Variants in ARHGAP26 observed in about 807,000 individuals in gnomAD.
The protein encoded by ARHGAP26 is rho GTPase-activating protein 26.
In ARHGAP26, 38 loss-of-function variants were observed where a neutral mutation model predicts 104.8. The ratio of observed to expected loss-of-function variants is 0.36; its 90% confidence interval spans 0.28 to 0.48. ARHGAP26 has a LOEUF of 0.48. Ranked by LOEUF, ARHGAP26 falls within the 20% of genes least tolerant of loss-of-function variation. The probability of loss-of-function intolerance (pLI) is 0.99; values close to 1 mark genes in which losing one functional copy is unlikely to be tolerated. For missense variants in ARHGAP26, 704 were observed against 947.9 expected (o/e 0.74, Z 3.38); for synonymous variants, 341 against 340.0 (o/e 1.00, Z -0.03).
At chr5:142,793,200 C>G (rs556911651) in intron 1 of ARHGAP26, among the ~76,000 whole-genome samples, 6 of 151,356 alleles carry the variant, frequency 4.0e-5, no homozygotes, top group African/African-American at 1.5e-4. Context: ...CCAAGCAACC[C>G]TGGACCTAAA....
chr5:143,206,397 G>A lies in ARHGAP26; in HGVS notation c.1989-801G>A, dbSNP rs112575041. ...CAACCAATTAAAATCCACAAGCCAC[G>A]TTTCAGTGAGTAATTTCAACCTTTC... On this transcript the variant is annotated intron_variant, in intron 20 of 22. Coordinates refer to ENST00000645722, the MANE Select transcript of ARHGAP26 (RefSeq NM_001135608.3). 4.2e-3 allele frequency among the ~76,000 whole-genome samples: 643 copies of A among 152,328 alleles called. 5 individuals carry two copies. The highest frequency in any genetic ancestry group is 0.015 in the African/African-American group (620 of 41,570).
At chr5:142,938,376 T>C (rs1201900912) in intron 11 of ARHGAP26, among the ~76,000 whole-genome samples, 1 of 152,216 alleles carries the variant, frequency 6.6e-6, no homozygotes, top group African/African-American at 2.4e-5. Context: ...CCATAAGCTT[T>C]TGTTTTACTT....
At chr5:143,029,392 G>GTTTTTTTTTTTTTTTTTTTTTTTT (rs536919888) in intron 12 of ARHGAP26, among the ~76,000 whole-genome samples, 3 of 80,812 alleles carry the variant, frequency 3.7e-5, no homozygotes, top group Non-Finnish European at 2.5e-5. Context: ...TTACTTCTCA[G>GTTTTTTTTTTTTTTTTTTTTTTTT]TTTTTTTTTT....
At chr5:143,095,769 C>T (rs1364632249) in intron 17 of ARHGAP26, among the ~76,000 whole-genome samples, 1 of 152,160 alleles carries the variant, frequency 6.6e-6, no homozygotes, top group African/African-American at 2.4e-5. Flanking sequence ...GATGGGGTTT[C>T]ACCATGTTGG....
intron 12 of ARHGAP26, among the ~76,000 whole-genome samples, chr5:143,031,124 T>C (rs916136172): frequency 1.3e-5 from 2 of 152,222 alleles, no homozygotes; most frequent in African/African-American, 4.8e-5. Context: ...GCATGGTTAG[T>C]TGAATGTTCT....
Position 142,917,586 on chromosome 5 carries a change from C to T in ARHGAP26, c.1028+4293C>T, listed in dbSNP as rs61662259. On this transcript the variant is annotated intron_variant, in intron 10 of 22. Coordinates refer to ENST00000645722, the MANE Select transcript of ARHGAP26 (RefSeq NM_001135608.3). ...CTCTGTGACCTTCAGAAAGTCCTCC[C>T]GTGACTAAATTAAAAGAAGCAATGC... 6.2e-4 allele frequency among the ~76,000 whole-genome samples: 94 copies of T among 152,272 alleles called. 1 individual carries two copies. Among genetic ancestry groups the T allele is most frequent in the African/African-American group, 2.1e-3 (86 of 41,556 alleles).
intron 6 of ARHGAP26, among the ~76,000 whole-genome samples, chr5:142,898,154 A>G (rs153171): frequency 0.41 from 62,607 of 151,208 alleles, 15,837 homozygotes; most frequent in East Asian, 0.86. Context: ...ATATGTGTGT[A>G]TATATATATA....
At position 143,094,038 on chromosome 5, in the gene ARHGAP26, C is replaced by T. The variant is rs545550851; in HGVS notation, c.1539-26950C>T. ...TTTTGAGATTCAGCTCCCACCTCCT[C>T]ATGGGGACTTCTCACCTCTTTTTAA... On this transcript the variant is annotated intron_variant, in intron 17 of 22. Coordinates refer to ENST00000645722, the MANE Select transcript of ARHGAP26 (RefSeq NM_001135608.3). 7.9e-4 allele frequency among the ~76,000 whole-genome samples: 120 copies of T among 152,340 alleles called. 2 individuals carry two copies. Among genetic ancestry groups the T allele is most frequent in the Admixed American group, 5.6e-3 (86 of 15,310 alleles).
intron 20 of ARHGAP26, among the ~76,000 whole-genome samples, chr5:143,176,602 C>A (rs999744607): frequency 1.3e-5 from 2 of 152,172 alleles, no homozygotes; most frequent in Non-Finnish European, 2.9e-5. Flanking sequence ...AATTAATTTA[C>A]CTTCGCCCCA....
At chr5:143,213,584 G>T (rs1394039062) in intron 21 of ARHGAP26, among the ~76,000 whole-genome samples, 1 of 152,178 alleles carries the variant, frequency 6.6e-6, no homozygotes, top group African/African-American at 2.4e-5. Context: ...AGCATTGCCA[G>T]CTTTCAACAG....
intron 17 of ARHGAP26, among the ~76,000 whole-genome samples, chr5:143,061,460 T>C (rs1187637650): frequency 6.6e-6 from 1 of 152,240 alleles, no homozygotes; most frequent in African/African-American, 2.4e-5. Flanking sequence ...CAGGAGTAGA[T>C]ATTAAAAATA....
Position 142,871,937 on chromosome 5 carries a change from C to T in ARHGAP26, c.155-1463C>T, listed in dbSNP as rs6896779. Reference sequence around the variant, plus strand: ...GTAGAGCAGAGCGCTTTGGACAAACCGCAGCTATCTCGGGACCGTGTCATC... The same window carrying T: ...GTAGAGCAGAGCGCTTTGGACAAACTGCAGCTATCTCGGGACCGTGTCATC... On this transcript the variant is annotated intron_variant, in intron 1 of 22. Transcript: ENST00000645722. The surrounding 1 kb of genome is among the most constrained non-coding windows in gnomAD (Gnocchi z 4.1). 0.03 allele frequency among the ~76,000 whole-genome samples: 4,503 copies of T among 152,196 alleles called. 245 individuals carry two copies. The highest frequency in any genetic ancestry group is 0.25 in the East Asian group (1,287 of 5,146).
chr5:143,159,417 G>C (rs1011407356), intron 20 of ARHGAP26, among the ~76,000 whole-genome samples: 2 of 152,166 alleles, frequency 1.3e-5, no homozygotes, highest in African/African-American at 4.8e-5. Context: ...TAGTAGAGTT[G>C]AGTACTATCC....
chr5:142,937,281 G>A (rs183409953), intron 11 of ARHGAP26, among the ~76,000 whole-genome samples: 1 of 152,230 alleles, frequency 6.6e-6, no homozygotes, highest in Admixed American at 6.5e-5. Context: ...AGAGAATATG[G>A]CGAATAAGCA....
Position 143,226,831 on chromosome 5 carries a change from G to A in ARHGAP26, c.*4385G>A. Reference sequence around the variant, plus strand: ...TGAACAATCAAGTATTGACAGACTGGCATTAGCAGGACAGAGCCATACTAG... The same window carrying A: ...TGAACAATCAAGTATTGACAGACTGACATTAGCAGGACAGAGCCATACTAG... On this transcript the variant is annotated 3_prime_UTR_variant, in exon 23 of 23. Transcript: ENST00000645722. 1 of 224,928 alleles carries A rather than the reference G, an allele frequency of 4.4e-6. No homozygotes were observed. Among genetic ancestry groups the A allele is most frequent in the Non-Finnish European group, 8.9e-6 (1 of 112,824 alleles). The allele number at this position is 224,928 out of a possible 1,614,324, so 13.9% of individuals were successfully genotyped here. A position where few individuals can be genotyped will look rare whatever the true frequency, so the allele number is the denominator to read the frequency against.
chr5:143,217,107 C>T (rs962891742), intron 22 of ARHGAP26, among the ~76,000 whole-genome samples: 1 of 152,010 alleles, frequency 6.6e-6, no homozygotes, highest in Non-Finnish European at 1.5e-5. Context: ...TCAAACCAAT[C>T]AGAAAGTGCA....
At chr5:143,215,051 C>T (rs1810127533) in intron 22 of ARHGAP26, among the ~76,000 whole-genome samples, 1 of 152,228 alleles carries the variant, frequency 6.6e-6, no homozygotes, top group South Asian at 2.1e-4. Context: ...CTGTCCAAAG[C>T]CATTTCACTG....
At position 142,941,097 on chromosome 5, in the gene ARHGAP26, AAAAG is replaced by A. The variant is rs1294611361; in HGVS notation, c.1107+8975_1107+8978del. On this transcript the variant is annotated intron_variant, in intron 11 of 22. Coordinates refer to ENST00000645722, the MANE Select transcript of ARHGAP26 (RefSeq NM_001135608.3). Reference sequence around the variant, plus strand: ...CTCAAAAAAAAAAAAAAAAAAAAAAAAAAGAATCTATATTCCATTGGGTATATAC... The same window carrying A: ...CTCAAAAAAAAAAAAAAAAAAAAAAAAATCTATATTCCATTGGGTATATAC... Among the ~76,000 whole-genome samples the A allele has an allele frequency of 3.3e-4, 50 of 150,444 alleles. 1 individual carries two copies. The highest frequency in any genetic ancestry group is 5.3e-4 in the Non-Finnish European group (36 of 67,534).
At chr5:143,029,289 A>C (rs1401916686) in intron 12 of ARHGAP26, among the ~76,000 whole-genome samples, 2 of 152,018 alleles carry the variant, frequency 1.3e-5, no homozygotes, top group Non-Finnish European at 2.9e-5. Flanking sequence ...AAATTGCATA[A>C]ATTTCTGTGG....
Sources: allele counts gnomAD v4.1 joint callset (sites outside exome capture counted in the v4.1 genomes callset), GRCh38; gene constraint gnomAD v4.1.1; non-coding constraint Gnocchi (gnomAD v3.1); transcripts MANE v1.5; gene names NCBI Gene and HGNC (gene_info 2026-07-23, HGNC 2026-07-21).